SMG1: variants seen among roughly 807,000 people sequenced by gnomAD.
SMG1 encodes the protein SMG1 nonsense mediated mRNA decay associated PI3K related kinase, also known as serine/threonine-protein kinase SMG1.
Under a neutral mutation model 419.9 loss-of-function variants are expected in SMG1, and 22 were observed. The observed-to-expected ratio is 0.05, with a 90% confidence interval of 0.04 to 0.07. The LOEUF is 0.07. SMG1 is among the 10% of genes least tolerant of loss of function. The probability of loss-of-function intolerance (pLI) is 1.00; values close to 1 mark genes in which losing one functional copy is unlikely to be tolerated. For missense variants in SMG1, 3,185 were observed against 4,342.0 expected (o/e 0.73, Z 7.49); for synonymous variants, 1,538 against 1,553.5 (o/e 0.99, Z 0.23).
intron 18 of SMG1, 128 bp downstream of exon 18, chr16:18,870,482 C>A: frequency 1.5e-6 from 1 of 674,570 alleles, no homozygotes; most frequent in South Asian, 2.0e-5. Context: ...ACTTCAATCA[C>A]TGACAAACAG....
chr16:18,859,787 T>C, intron 26 of SMG1, 84 bp from the exon 27 acceptor site: 2 of 966,696 alleles, frequency 2.1e-6, no homozygotes. Context: ...TAAAAACTAA[T>C]CACCAATGAA....
At chr16:18,876,025 A>T (rs2036113343) in intron 13 of SMG1, 99 bp downstream of exon 13, 3 of 1,306,026 alleles carry the variant, frequency 2.3e-6, no homozygotes, top group Non-Finnish European at 3.3e-6. Context: ...ACACACAGTG[A>T]TTCTGCAGAC....
In SMG1 at chr16:18,830,073, T is replaced by C. The variant is rs368819225; in HGVS notation, c.8986A>G (p.Ile2996Val). ...EIPIAWRKID[I>V]IREARSTQVN... ...TGAGTACTCCTGGCTTCCCTTATGA[T>C]GTCAATCTTTCGCCAAGCTATGGGA... Residue 2996 changes from isoleucine to valine, a missense_variant, in exon 53 of 63, where the codon ATC becomes GTC. Around this residue, in one of 27 missense-constraint regions of SMG1, gnomAD observed 737 missense variants for 846.6 expected, o/e 0.87. Coordinates refer to ENST00000446231, the MANE Select transcript of SMG1 (RefSeq NM_015092.5). 26 of 1,604,884 alleles carry C rather than the reference T, an allele frequency of 1.6e-5. No individual in the cohort carries two copies. The African/African-American group carries it at 3.3e-4, about 21-fold the overall frequency.
chr16:18,876,196 A>G lies in SMG1; in HGVS notation c.1818T>C (p.Asn606=), dbSNP rs765659506. 2.0e-5 allele frequency: 33 copies of G among 1,611,674 alleles called. No homozygotes were observed. Among genetic ancestry groups the G allele is most frequent in the Non-Finnish European group, 2.7e-5 (32 of 1,179,694 alleles). ...GGTCAAATATAACTACAAATTTTGC[A>G]TTGTCTACATTGAACACATGATTCT... ...AFKNHVFNVD[N]AKFVVIFDLS... The change falls in exon 13 of 63, where the codon AAT becomes AAC. Residue 606 remains asparagine, a synonymous_variant. Transcript: ENST00000446231.
At chr16:18,922,517 G>C (rs192682670) in intron 1 of SMG1, among the ~76,000 whole-genome samples, 68 of 152,326 alleles carry the variant, frequency 4.5e-4, no homozygotes, top group African/African-American at 1.5e-3. Context: ...CCAGGCTGGA[G>C]TGCAGTGGTG....
At position 18,858,165 on chromosome 16, in the gene SMG1, C is replaced by G. The variant is rs182206975; in HGVS notation, c.4234+5G>C. ...TTTCTCTTACAAGAAAAAAAAACCA[C>G]TTACCTTTAATTTTCTCCAACAACT... is the stretch of plus-strand genomic sequence containing the variant. On this transcript the variant is annotated splice_donor_5th_base_variant and intron_variant, in intron 29 of 62. Coordinates refer to ENST00000446231, the MANE Select transcript of SMG1 (RefSeq NM_015092.5). The G allele has an allele frequency of 2.0e-6, 3 of 1,537,956 alleles. No individual in the cohort carries two copies. Among genetic ancestry groups the G allele is most frequent in the African/African-American group, 2.8e-5 (2 of 72,030 alleles).
intron 11 of SMG1, chr16:18,878,300 A>C (rs1377698523): frequency 3.2e-5 from 3 of 95,164 alleles, no homozygotes; most frequent in East Asian, 5.2e-4. Flanking sequence ...CCGTCTCAAC[A>C]AAAAAAAAAA....
At chr16:18,813,114 G>T (rs1318125310) in intron 60 of SMG1, among the ~76,000 whole-genome samples, 1 of 152,098 alleles carries the variant, frequency 6.6e-6, no homozygotes, top group African/African-American at 2.4e-5. Flanking sequence ...ATTGTGAGTA[G>T]TGCCGCAATA....
At chr16:18,882,629 A>G (rs1196000596) in intron 9 of SMG1, among the ~76,000 whole-genome samples, 5 of 152,202 alleles carry the variant, frequency 3.3e-5, no homozygotes, top group Non-Finnish European at 7.3e-5. Context: ...TGCTCTAGTT[A>G]TATGTAGGTA....
chr16:18,917,586 T>C (rs2038027249), intron 1 of SMG1, among the ~76,000 whole-genome samples: 1 of 150,680 alleles, frequency 6.6e-6, no homozygotes, highest in Non-Finnish European at 1.5e-5. Context: ...ACACACTCCA[T>C]TTTTTTTTCA....
intron 29 of SMG1, among the ~76,000 whole-genome samples, chr16:18,855,752 T>G (rs1364154465): frequency 6.6e-6 from 1 of 152,206 alleles, no homozygotes; most frequent in Non-Finnish European, 1.5e-5. Flanking sequence ...TCAGCATAAC[T>G]TAGGTCCCTT....
At chr16:18,894,112 C>G (rs1462641398) in intron 3 of SMG1, among the ~76,000 whole-genome samples, 1 of 151,828 alleles carries the variant, frequency 6.6e-6, no homozygotes, top group Non-Finnish European at 1.5e-5. Context: ...GAACAACACA[C>G]ACTGGATCCT....
In SMG1 at chr16:18,845,308, T is replaced by G. The variant is rs1455968608; in HGVS notation, c.6219+121A>C. ...TCCTTATAAGCAACTGGCCACAGGC[T>G]GCCTCCTATAGGCTTATAAAATCTC... On this transcript the variant is annotated intron_variant, in intron 39 of 62. Coordinates refer to ENST00000446231, the MANE Select transcript of SMG1 (RefSeq NM_015092.5). 3.6e-5 allele frequency: 28 copies of G among 778,680 alleles called. No homozygotes were observed. In the East Asian group the frequency reaches 7.3e-4, roughly 20 times the overall value. The allele number at this position is 778,680 out of a possible 1,614,324, so 48.2% of individuals were successfully genotyped here.
chr16:18,841,421 AC>A, intron 41 of SMG1, 143 bp downstream of exon 41: 1 of 594,898 alleles, frequency 1.7e-6, no homozygotes, highest in Non-Finnish European at 2.9e-6. Context: ...AAAAAAAAGT[AC>A]CTCAAAAATA....
At chr16:18,925,400 C>G (rs2038352425) in intron 1 of SMG1, 1 of 152,390 alleles carries the variant, frequency 6.6e-6, no homozygotes, top group Non-Finnish European at 1.5e-5. Flanking sequence ...CATCAACAGT[C>G]ACACAATCTC....
intron 1 of SMG1, among the ~76,000 whole-genome samples, chr16:18,909,606 C>A (rs574737990): frequency 6.6e-6 from 1 of 152,246 alleles, no homozygotes; most frequent in East Asian, 1.9e-4. Flanking sequence ...AAATTTTAAA[C>A]GTCAATTTAA....
In SMG1 at chr16:18,836,369, T is replaced by G; in HGVS notation, c.7768A>C (p.Met2590Leu). The G allele has an allele frequency of 6.2e-7, 1 of 1,613,794 alleles. No individual in the cohort carries two copies. The highest frequency in any genetic ancestry group is 8.5e-7 in the Non-Finnish European group (1 of 1,179,750). ...ATAAGTCAACCCATACCAAGGTCCA[T>G]TTGTGTGCTTATCTCTTGAAGCAAG... ...ASLLQEISTQ[M>L]DLGPPSYVPA... The change falls in exon 47 of 63, where the codon ATG (methionine) becomes CTG (leucine). Residue 2590 changes from methionine to leucine, a missense_variant. Around this residue, in one of 27 missense-constraint regions of SMG1, gnomAD observed 412 missense variants for 546.6 expected, o/e 0.75. Transcript: ENST00000446231.
chr16:18,889,887 C>A (rs1713926733), intron 5 of SMG1, among the ~76,000 whole-genome samples: 1 of 152,082 alleles, frequency 6.6e-6, no homozygotes, highest in Non-Finnish European at 1.5e-5. Flanking sequence ...CAGAAAAGGG[C>A]AGCAACAAAT....
intron 51 of SMG1, among the ~76,000 whole-genome samples, chr16:18,830,874 A>G (rs1033229148): frequency 1.3e-5 from 2 of 152,250 alleles, no homozygotes; most frequent in Non-Finnish European, 2.9e-5. Flanking sequence ...CCAATTCGTT[A>G]TTAATGACTG....
Sources: allele counts gnomAD v4.1 joint callset (sites outside exome capture counted in the v4.1 genomes callset), GRCh38; gene constraint gnomAD v4.1.1; regional missense constraint gnomAD v4.1.1; transcripts MANE v1.5; gene names NCBI Gene and HGNC (gene_info 2026-07-23, HGNC 2026-07-21).